Variants in NALF1 observed in about 807,000 individuals in gnomAD.
NALF1 encodes the protein NALCN channel auxiliary factor 1.
In NALF1, 3 loss-of-function variants were observed where a neutral mutation model predicts 48.4. The observed-to-expected ratio is 0.06, with a 90% confidence interval of 0.03 to 0.16. The LOEUF (loss-of-function observed/expected upper bound fraction) is 0.16. Ranked by LOEUF, NALF1 falls within the 10% of genes least tolerant of loss-of-function variation. The probability of loss-of-function intolerance (pLI) is 1.00; values close to 1 mark genes in which losing one functional copy is unlikely to be tolerated. For synonymous variants in NALF1, 262 were observed against 245.7 expected (o/e 1.07, Z -0.62); for missense variants, 526 against 571.5 (o/e 0.92, Z 0.81).
At chr13:107,390,672 T>C (rs1883610609) in intron 1 of NALF1, among the ~76,000 whole-genome samples, 1 of 152,042 alleles carries the variant, frequency 6.6e-6, no homozygotes, top group Admixed American at 6.6e-5. Flanking sequence ...TAGACATAAT[T>C]AGTTACTATC....
intron 1 of NALF1, among the ~76,000 whole-genome samples, chr13:107,851,808 T>A (rs1056883688): frequency 2.1e-5 from 3 of 141,642 alleles, no homozygotes; most frequent in Admixed American, 7.1e-5. Flanking sequence ...GCCCTTTCTT[T>A]TTTTTTTTTT....
At chr13:107,223,990 GAAT>G (rs1432251668) in intron 1 of NALF1, among the ~76,000 whole-genome samples, 2 of 151,778 alleles carry the variant, frequency 1.3e-5, no homozygotes, top group Non-Finnish European at 2.9e-5. Context: ...AATGGATTAT[GAAT>G]AATCATAACA....
At chr13:107,630,373 T>C (rs1879802907) in intron 1 of NALF1, among the ~76,000 whole-genome samples, 1 of 152,046 alleles carries the variant, frequency 6.6e-6, no homozygotes, top group African/African-American at 2.4e-5. Context: ...AACTATTTTT[T>C]CTCCCTGAAA....
At chr13:107,469,714 C>T (rs191497646) in intron 1 of NALF1, among the ~76,000 whole-genome samples, 8 of 144,144 alleles carry the variant, frequency 5.6e-5, no homozygotes, top group African/African-American at 1.8e-4. Context: ...CCCGTAAATG[C>T]GATGAGTCAA....
At chr13:107,814,891 C>T (rs747974341) in intron 1 of NALF1, among the ~76,000 whole-genome samples, 4 of 151,960 alleles carry the variant, frequency 2.6e-5, no homozygotes, top group Non-Finnish European at 5.9e-5. Context: ...TTCTCAAGTG[C>T]ACATGGAAAT....
At chr13:107,628,210 T>C (rs931052101) in intron 1 of NALF1, among the ~76,000 whole-genome samples, 13 of 152,068 alleles carry the variant, frequency 8.5e-5, no homozygotes, top group Non-Finnish European at 1.8e-4. Context: ...CAAAGCAAGA[T>C]GTTTCCCTTA....
At chr13:107,654,358 C>T (rs991993658) in intron 1 of NALF1, among the ~76,000 whole-genome samples, 4 of 152,022 alleles carry the variant, frequency 2.6e-5, no homozygotes, top group Non-Finnish European at 5.9e-5. Context: ...CTTTTAATGG[C>T]GAAAACTGCG....
chr13:107,182,275 GGTTT>G (rs753078811), intron 2 of NALF1, among the ~76,000 whole-genome samples: 12 of 140,016 alleles, frequency 8.6e-5, no homozygotes, highest in South Asian at 6.6e-4. Context: ...TGTGTGTGTT[GGTTT>G]GTTTGTTTTG....
At chr13:107,461,503 A>G (rs1423830136) in intron 1 of NALF1, among the ~76,000 whole-genome samples, 1 of 152,188 alleles carries the variant, frequency 6.6e-6, no homozygotes, top group East Asian at 1.9e-4. Context: ...CAAACTTCCA[A>G]AACTCTACTC....
At chr13:107,202,959 A>G (rs923793833) in intron 2 of NALF1, among the ~76,000 whole-genome samples, 5 of 152,222 alleles carry the variant, frequency 3.3e-5, no homozygotes, top group Non-Finnish European at 2.9e-5. Context: ...TCCTCAAGGC[A>G]TCAAACTAGA....
chr13:107,472,943 G>A (rs545690052), intron 1 of NALF1, among the ~76,000 whole-genome samples: 3 of 152,152 alleles, frequency 2.0e-5, no homozygotes, highest in Non-Finnish European at 4.4e-5. Context: ...ACAGAAGCAT[G>A]CTCCTCTTTT....
chr13:107,548,492 T>C (rs1025284832), intron 1 of NALF1, among the ~76,000 whole-genome samples: 6 of 152,106 alleles, frequency 3.9e-5, no homozygotes, highest in Non-Finnish European at 8.8e-5. Context: ...AGTAATGGGA[T>C]TGCTGGGTTG....
At chr13:107,712,586 G>T (rs754785444) in intron 1 of NALF1, among the ~76,000 whole-genome samples, 1 of 152,210 alleles carries the variant, frequency 6.6e-6, no homozygotes, top group Non-Finnish European at 1.5e-5. Flanking sequence ...CGCAGATGCA[G>T]AAAAGCAGAC....
chr13:107,590,980 T>C (rs1415722764), intron 1 of NALF1, among the ~76,000 whole-genome samples: 2 of 151,984 alleles, frequency 1.3e-5, no homozygotes, highest in Middle Eastern at 3.2e-3. Flanking sequence ...AGCATTCTAT[T>C]AGAAACTCTA....
At chr13:107,273,379 A>C (rs916852554) in intron 1 of NALF1, among the ~76,000 whole-genome samples, 1 of 152,202 alleles carries the variant, frequency 6.6e-6, no homozygotes, top group Non-Finnish European at 1.5e-5. Context: ...TGTCACATAA[A>C]ACTTACATTA....
chr13:107,665,805 G>A (rs1207803023), intron 1 of NALF1, among the ~76,000 whole-genome samples: 1 of 152,052 alleles, frequency 6.6e-6, no homozygotes, highest in African/African-American at 2.4e-5. Context: ...AGATAAAAAT[G>A]AAAAAGATAA....
At chr13:107,807,434 G>GA (rs1878832784) in intron 1 of NALF1, among the ~76,000 whole-genome samples, 1 of 152,146 alleles carries the variant, frequency 6.6e-6, no homozygotes, top group South Asian at 2.1e-4. Context: ...ACCAATATGT[G>GA]AAAATTTTCA....
intron 1 of NALF1, among the ~76,000 whole-genome samples, chr13:107,407,775 T>A (rs1594046266): frequency 6.6e-6 from 1 of 152,098 alleles, no homozygotes; most frequent in African/African-American, 2.4e-5. Context: ...AGAAAATTAG[T>A]ATGTTGAGCA....
At chr13:107,587,720 A>G (rs1878497862) in intron 1 of NALF1, among the ~76,000 whole-genome samples, 2 of 152,172 alleles carry the variant, frequency 1.3e-5, no homozygotes, top group Non-Finnish European at 2.9e-5. Context: ...AGAGACGAAC[A>G]ATGAGAGGCA....
Sources: allele counts gnomAD v4.1 joint callset (sites outside exome capture counted in the v4.1 genomes callset), GRCh38; gene constraint gnomAD v4.1.1; transcripts MANE v1.5; gene names NCBI Gene and HGNC (gene_info 2026-07-23, HGNC 2026-07-21).